Variants in RPS6KC1 observed in about 807,000 individuals in gnomAD.
RPS6KC1 encodes ribosomal protein S6 kinase C1.
Under a neutral mutation model 103.8 loss-of-function variants are expected in RPS6KC1, and 54 were observed. That is an observed-to-expected ratio of 0.52 (90% confidence interval 0.42 to 0.65). RPS6KC1 has a LOEUF of 0.65. RPS6KC1 is among the 30% of genes least tolerant of loss of function. The pLI, the probability that RPS6KC1 is intolerant of heterozygous loss-of-function variation, is 0.00. For synonymous variants in RPS6KC1, 439 were observed against 438.7 expected (o/e 1.00, Z -0.01); for missense variants, 1,151 against 1,253.8 (o/e 0.92, Z 1.24).
chr1:213,606,414 C>A, the RPS6KC1 span, among the ~76,000 whole-genome samples: 1 of 152,166 alleles, frequency 6.6e-6, no homozygotes, highest in Non-Finnish European at 1.5e-5. Flanking sequence ...ACATTCTGTT[C>A]CTGGGTCTGA....
intron 4 of RPS6KC1, among the ~76,000 whole-genome samples, chr1:213,109,790 G>A (rs1035199576): frequency 6.7e-6 from 1 of 148,808 alleles, no homozygotes; most frequent in African/African-American, 2.5e-5. Flanking sequence ...AGGTATTTTT[G>A]TTTCTCGTAG....
intron 5 of RPS6KC1, among the ~76,000 whole-genome samples, chr1:213,118,770 C>T (rs1164789366): frequency 6.6e-6 from 1 of 152,000 alleles, no homozygotes; most frequent in African/African-American, 2.4e-5. Flanking sequence ...TGCATGGGGG[C>T]CACATGCCCA....
chr1:213,089,014 A>G (rs2080713978), intron 3 of RPS6KC1, among the ~76,000 whole-genome samples: 1 of 152,232 alleles, frequency 6.6e-6, no homozygotes. Context: ...TATTGCTACT[A>G]TTCTTTAATT....
At chr1:213,691,182 C>G in the RPS6KC1 span, among the ~76,000 whole-genome samples, 1 of 152,198 alleles carries the variant, frequency 6.6e-6, no homozygotes, top group Non-Finnish European at 1.5e-5. Flanking sequence ...CCAAGGTACC[C>G]TATCTTTTGC....
chr1:213,055,312 A>G (rs1462721059), intron 1 of RPS6KC1, among the ~76,000 whole-genome samples: 1 of 151,502 alleles, frequency 6.6e-6, no homozygotes, highest in Non-Finnish European at 1.5e-5. Flanking sequence ...ACAAGGAATC[A>G]TATAGTATGC....
At chr1:213,760,430 G>A in the RPS6KC1 span, among the ~76,000 whole-genome samples, 2 of 152,150 alleles carry the variant, frequency 1.3e-5, no homozygotes, top group Admixed American at 1.3e-4. Flanking sequence ...GTCAGCCCTG[G>A]AGAGAGAAAC....
chr1:213,059,223 T>C (rs1231033406), intron 1 of RPS6KC1, among the ~76,000 whole-genome samples: 3 of 152,258 alleles, frequency 2.0e-5, no homozygotes, highest in Non-Finnish European at 4.4e-5. Context: ...AACTGACTTA[T>C]TAGTTCTAAG....
chr1:213,105,276 C>T (rs1177973338), intron 4 of RPS6KC1, among the ~76,000 whole-genome samples: 2 of 135,172 alleles, frequency 1.5e-5, no homozygotes, highest in Admixed American at 7.4e-5. Flanking sequence ...TGAACTGTAT[C>T]GGTATATGTT....
At chr1:213,776,522 ACAGT>A in the RPS6KC1 span, among the ~76,000 whole-genome samples, 1 of 152,204 alleles carries the variant, frequency 6.6e-6, no homozygotes, top group Non-Finnish European at 1.5e-5. Flanking sequence ...TGAGCTTAAA[ACAGT>A]CAGTAAACCA....
the RPS6KC1 span, among the ~76,000 whole-genome samples, chr1:213,700,474 T>C: frequency 5.9e-5 from 9 of 151,990 alleles, no homozygotes; most frequent in African/African-American, 1.2e-4. Flanking sequence ...TCAGGTAATG[T>C]GATCCCTACA....
chr1:213,667,629 G>A, the RPS6KC1 span, among the ~76,000 whole-genome samples: 2 of 152,144 alleles, frequency 1.3e-5, no homozygotes, highest in African/African-American at 4.8e-5. Flanking sequence ...TCTTAAAATA[G>A]TACAGTGAAG....
intron 6 of RPS6KC1, among the ~76,000 whole-genome samples, chr1:213,132,826 A>G (rs1382423479): frequency 1.3e-5 from 2 of 152,224 alleles, no homozygotes; most frequent in Non-Finnish European, 2.9e-5. Context: ...TTCAGAGCTA[A>G]GTAATGCTTT....
chr1:213,429,244 G>A, the RPS6KC1 span, among the ~76,000 whole-genome samples: 1 of 152,082 alleles, frequency 6.6e-6, no homozygotes, highest in Admixed American at 6.5e-5. Context: ...TCTGCCTCCT[G>A]GGCTCAAGTG....
At chr1:213,478,709 G>A in the RPS6KC1 span, among the ~76,000 whole-genome samples, 1 of 152,064 alleles carries the variant, frequency 6.6e-6, no homozygotes, top group Non-Finnish European at 1.5e-5. Context: ...ATAAATTTTT[G>A]TTGAGTTTTA....
the RPS6KC1 span, among the ~76,000 whole-genome samples, chr1:213,639,622 C>T: frequency 0.14 from 21,362 of 151,988 alleles, 2,373 homozygotes; most frequent in African/African-American, 0.31. Flanking sequence ...AGATGTTGTA[C>T]ATTGTCAAGT....
chr1:213,383,009 T>C, the RPS6KC1 span, among the ~76,000 whole-genome samples: 5 of 152,232 alleles, frequency 3.3e-5, no homozygotes, highest in African/African-American at 1.2e-4. Context: ...ACGGGTTAGA[T>C]TGGCATTCAG....
the RPS6KC1 span, among the ~76,000 whole-genome samples, chr1:213,469,513 T>C: frequency 6.6e-6 from 1 of 152,128 alleles, no homozygotes; most frequent in African/African-American, 2.4e-5. Context: ...AGGGTACACA[T>C]GGAAGGGAGG....
At chr1:213,529,549 T>G in the RPS6KC1 span, among the ~76,000 whole-genome samples, 5 of 152,336 alleles carry the variant, frequency 3.3e-5, no homozygotes, top group Admixed American at 3.3e-4. Context: ...TATTGAAGCA[T>G]GAAAATTTGT....
the RPS6KC1 span, among the ~76,000 whole-genome samples, chr1:213,412,490 C>A: frequency 9.6e-3 from 1,460 of 152,356 alleles, 22 homozygotes; most frequent in African/African-American, 0.033. Context: ...CTTGACATTT[C>A]TGTATGTTTC....
Sources: allele counts gnomAD v4.1 joint callset (sites outside exome capture counted in the v4.1 genomes callset), GRCh38; gene constraint gnomAD v4.1.1; transcripts MANE v1.5; gene names NCBI Gene and HGNC (gene_info 2026-07-23, HGNC 2026-07-21).